Variants in NELL2 observed in about 807,000 individuals in gnomAD.
NELL2 encodes neural EGFL like 2.
NELL2 carries 41 observed loss-of-function variants against 109.6 expected under a neutral mutation model. The ratio of observed to expected loss-of-function variants is 0.37; its 90% CI spans 0.29 to 0.49. NELL2 has a LOEUF of 0.49. NELL2 is among the 20% of genes least tolerant of loss of function. NELL2 has a pLI of 0.98. For synonymous variants in NELL2, 355 were observed against 344.7 expected, an observed-to-expected ratio of 1.03 and a Z score of -0.33; for missense variants, 900 against 1,008.3, an observed-to-expected ratio of 0.89 and a Z score of 1.45.
chr12:44,669,009 C>T (rs1774205198), intron 12 of NELL2, among the ~76,000 whole-genome samples: 1 of 152,176 alleles, frequency 6.6e-6, no homozygotes. Flanking sequence ...CCACACCCAG[C>T]CCACCAATGC....
At chr12:44,665,398 T>G (rs2136339330) in intron 13 of NELL2, 86 bp downstream of exon 13, 1 of 1,175,560 alleles carries the variant, frequency 8.5e-7, no homozygotes, top group South Asian at 1.8e-5. Flanking sequence ...TATGGTATAC[T>G]TATCAAAAAA....
intron 12 of NELL2, among the ~76,000 whole-genome samples, chr12:44,696,888 G>A (rs1949076311): frequency 6.6e-6 from 1 of 152,158 alleles, no homozygotes; most frequent in African/African-American, 2.4e-5. Flanking sequence ...ATAGTTGAGG[G>A]AAGTATACAC....
chr12:44,715,705 T>G (rs1938448957), intron 9 of NELL2, among the ~76,000 whole-genome samples: 1 of 152,132 alleles, frequency 6.6e-6, no homozygotes, highest in Admixed American at 6.6e-5. Flanking sequence ...CCCAAGATAA[T>G]TATTTCAAAG....
chr12:44,629,162 C>T (rs1160343164), intron 13 of NELL2, among the ~76,000 whole-genome samples: 1 of 152,114 alleles, frequency 6.6e-6, no homozygotes, highest in Non-Finnish European at 1.5e-5. Context: ...CCTAAATAGT[C>T]ACTTTCACAC....
intron 2 of NELL2, among the ~76,000 whole-genome samples, chr12:44,826,585 C>T (rs1592609886): frequency 1.3e-5 from 2 of 152,232 alleles, no homozygotes; most frequent in East Asian, 3.9e-4. Context: ...CTCATTTAAG[C>T]CTCATGACAA....
chr12:44,641,581 G>C (rs997691011), intron 13 of NELL2, among the ~76,000 whole-genome samples: 31 of 151,496 alleles, frequency 2.0e-4, no homozygotes, highest in Non-Finnish European at 4.4e-5. Flanking sequence ...ATAAATATGA[G>C]TAAGGCTATA....
At chr12:44,904,394 G>C (rs1456294555) in intron 1 of NELL2, among the ~76,000 whole-genome samples, 1 of 152,174 alleles carries the variant, frequency 6.6e-6, no homozygotes, top group African/African-American at 2.4e-5. Flanking sequence ...ATGTGTAGAA[G>C]TGATACTCAA....
At chr12:44,887,358 A>C (rs1945485456) in intron 1 of NELL2, among the ~76,000 whole-genome samples, 1 of 151,946 alleles carries the variant, frequency 6.6e-6, no homozygotes, top group South Asian at 2.1e-4. Context: ...CTTTTCTCAA[A>C]AGTGGCCGTA....
At chr12:44,712,895 A>G (rs576223125) in intron 10 of NELL2, among the ~76,000 whole-genome samples, 2 of 152,030 alleles carry the variant, frequency 1.3e-5, no homozygotes, top group South Asian at 4.1e-4. Context: ...TCCAATAAAA[A>G]TTACGTTTGT....
chr12:44,617,108 C>G (rs1945849676), intron 13 of NELL2, among the ~76,000 whole-genome samples: 1 of 152,080 alleles, frequency 6.6e-6, no homozygotes, highest in South Asian at 2.1e-4. Flanking sequence ...CCTTCCCTTT[C>G]AAGTCTGGTA....
At chr12:44,633,739 A>G (rs890210749) in intron 13 of NELL2, among the ~76,000 whole-genome samples, 1 of 152,160 alleles carries the variant, frequency 6.6e-6, no homozygotes, top group Non-Finnish European at 1.5e-5. Context: ...CCCTAATATG[A>G]TAACACATTG....
rs533373979 is a variant in NELL2, at chr12:44,675,623, C to A, written c.1319-10014G>T. Among the ~76,000 whole-genome samples the A allele has an allele frequency of 2.0e-5, 3 of 152,078 alleles. No homozygotes were observed. The East Asian group carries it at 5.8e-4, about 29-fold the overall frequency. On this transcript the variant is annotated intron_variant, in intron 12 of 19. Coordinates refer to ENST00000429094, the MANE Select transcript of NELL2 (RefSeq NM_001145108.2). The stretch of plus-strand genomic sequence containing the variant: ...AGGAACTTTAGAAATCATCTAACCC[C>A]AGTAATTTAGAATTGAAGAAACAGA...
chr12:44,610,711 T>C, intron 14 of NELL2, 137 bp downstream of exon 14: 2 of 1,187,274 alleles, frequency 1.7e-6, no homozygotes, highest in Non-Finnish European at 2.4e-6. Flanking sequence ...GGAAAGACTA[T>C]GAGCCACACA....
At chr12:44,519,470 G>T (rs958895152) in intron 19 of NELL2, among the ~76,000 whole-genome samples, 3 of 152,250 alleles carry the variant, frequency 2.0e-5, no homozygotes, top group Admixed American at 2.0e-4. Flanking sequence ...TTCTCCAACT[G>T]TATGAATAAA....
chr12:44,829,832 G>A (rs1943831673), intron 2 of NELL2, among the ~76,000 whole-genome samples: 1 of 152,062 alleles, frequency 6.6e-6, no homozygotes, highest in Non-Finnish European at 1.5e-5. Context: ...TTTGCAAAGT[G>A]TTCATCTATT....
At chr12:44,636,906 A>T (rs1249256620) in intron 13 of NELL2, among the ~76,000 whole-genome samples, 1 of 151,968 alleles carries the variant, frequency 6.6e-6, no homozygotes, top group Non-Finnish European at 1.5e-5. Flanking sequence ...TTGGTAGGCT[A>T]TTATTTACTG....
chr12:44,683,358 T>C (rs1248494509), intron 12 of NELL2, among the ~76,000 whole-genome samples: 1 of 144,402 alleles, frequency 6.9e-6, no homozygotes, highest in African/African-American at 2.9e-5. Flanking sequence ...TATCATGTCG[T>C]CTGCAAACAG....
At chr12:44,666,832 T>A (rs1200228557) in intron 12 of NELL2, among the ~76,000 whole-genome samples, 1 of 152,204 alleles carries the variant, frequency 6.6e-6, no homozygotes, top group African/African-American at 2.4e-5. Context: ...TCTGATGACC[T>A]CACTCCCTTC....
At chr12:44,537,751 C>G (rs934417371) in intron 15 of NELL2, among the ~76,000 whole-genome samples, 3 of 152,024 alleles carry the variant, frequency 2.0e-5, no homozygotes, top group Non-Finnish European at 4.4e-5. Flanking sequence ...TGTTGAGCTT[C>G]TGGGAAGTCT....
Sources: gnomAD v4.1 joint callset for allele counts (sites outside exome capture counted in the v4.1 genomes callset) on GRCh38, gnomAD v4.1.1 for gene constraint, MANE v1.5 for transcripts, NCBI Gene and HGNC (gene_info 2026-07-23, HGNC 2026-07-21) for gene names.